The following AKAP6 variants were observed in gnomAD, a reference collection of about 807,000 sequenced individuals.
The protein encoded by AKAP6 is A-kinase anchoring protein 6.
A neutral mutation model predicts 188.5 loss-of-function variants in AKAP6; 58 were observed. That is an observed-to-expected ratio of 0.31 (90% confidence interval 0.25 to 0.38). AKAP6 has a LOEUF of 0.38. AKAP6 is among the 10% of genes least tolerant of loss of function. The probability of loss-of-function intolerance (pLI) is 1.00; values close to 1 mark genes in which losing one functional copy is unlikely to be tolerated. For missense variants in AKAP6, 2,710 were observed against 2,740.0 expected, an observed-to-expected ratio of 0.99 and a Z score of 0.24; for synonymous variants, 989 against 998.6, an observed-to-expected ratio of 0.99 and a Z score of 0.18.
At chr14:32,764,748 G>A (rs796651055) in intron 11 of AKAP6, among the ~76,000 whole-genome samples, 11 of 151,918 alleles carry the variant, frequency 7.2e-5, no homozygotes, top group African/African-American at 2.7e-4. Flanking sequence ...GTTGCTGTGA[G>A]GATTAAATGA....
chr14:32,814,383 C>T (rs980734146), intron 12 of AKAP6, among the ~76,000 whole-genome samples: 1 of 152,174 alleles, frequency 6.6e-6, no homozygotes, highest in Non-Finnish European at 1.5e-5. Context: ...AACCCCAAGC[C>T]TGTAAAGCAG....
intron 2 of AKAP6, among the ~76,000 whole-genome samples, chr14:32,524,482 ATATAT>A (rs1375030711): frequency 6.6e-6 from 1 of 152,072 alleles, no homozygotes; most frequent in African/African-American, 2.4e-5. Flanking sequence ...TATTACATAC[ATATAT>A]TAAATATATT....
At chr14:32,413,182 T>G (rs1306045657) in intron 1 of AKAP6, among the ~76,000 whole-genome samples, 2 of 140,116 alleles carry the variant, frequency 1.4e-5, no homozygotes, top group African/African-American at 2.5e-5. Flanking sequence ...GAAATTTTTT[T>G]TTTTTTTTTT....
intron 2 of AKAP6, chr14:32,439,177 A>G (rs994635994): frequency 1.3e-5 from 2 of 152,200 alleles, no homozygotes; most frequent in African/African-American, 4.8e-5. Flanking sequence ...ACCCAGACTG[A>G]GATGTCTGGG....
At chr14:32,419,365 AG>A (rs1163382910) in intron 1 of AKAP6, among the ~76,000 whole-genome samples, 10 of 152,182 alleles carry the variant, frequency 6.6e-5, no homozygotes, top group Non-Finnish European at 1.5e-4. Context: ...AATAGTGAAT[AG>A]GAATAATGCT....
intron 1 of AKAP6, among the ~76,000 whole-genome samples, chr14:32,405,445 C>G (rs569940598): frequency 1.3e-5 from 2 of 152,242 alleles, no homozygotes; most frequent in South Asian, 4.1e-4. Flanking sequence ...TTTTAAAAGA[C>G]TAAATTACAA....
rs1057051543 is a variant in AKAP6 at position 32,512,039 on chromosome 14, T to A, written c.325-23515T>A. On this transcript the variant is annotated intron_variant, in intron 2 of 13. Transcript: ENST00000280979. Reference sequence around the variant, plus strand: ...GTTTCTTTAATTTTATTACTTACTTTACTTGTTAATTTACTTGTAGACATT... The same window carrying A: ...GTTTCTTTAATTTTATTACTTACTTAACTTGTTAATTTACTTGTAGACATT... Among the ~76,000 whole-genome samples, 5 of 152,364 alleles carry A rather than the reference T, an allele frequency of 3.3e-5. No homozygotes were observed. In the East Asian group the frequency reaches 7.7e-4, roughly 24 times the overall value.
At chr14:32,699,208 A>G (rs1158933062) in intron 9 of AKAP6, among the ~76,000 whole-genome samples, 1 of 152,170 alleles carries the variant, frequency 6.6e-6, no homozygotes, top group Non-Finnish European at 1.5e-5. Flanking sequence ...GCACTAGAAA[A>G]TCAGCTAGCC....
At chr14:32,508,267 T>A (rs1442305147) in intron 2 of AKAP6, among the ~76,000 whole-genome samples, 1 of 152,168 alleles carries the variant, frequency 6.6e-6, no homozygotes, top group Non-Finnish European at 1.5e-5. Flanking sequence ...TTAAATTCAG[T>A]GAAGAATGAT....
intron 9 of AKAP6, among the ~76,000 whole-genome samples, chr14:32,707,377 C>T (rs1276794611): frequency 6.6e-6 from 1 of 152,066 alleles, no homozygotes; most frequent in Non-Finnish European, 1.5e-5. Context: ...TTACAACCTT[C>T]ATTACAACAG....
Position 32,823,986 on chromosome 14 carries a change from A to G in AKAP6, c.6173A>G (p.Asn2058Ser), listed in dbSNP as rs780189389. The G allele has an allele frequency of 6.2e-6, 10 of 1,613,846 alleles. No homozygotes were observed. The Admixed American group carries it at 6.7e-5, about 11-fold the overall frequency. The change falls in exon 13 of 14, where the codon AAC (asparagine) becomes AGC (serine). Residue 2058 changes from asparagine to serine, a missense_variant. By Grantham distance (46) the Asn-to-Ser change is conservative (BLOSUM62 1). Transcript: ENST00000280979. Reference sequence around the variant, plus strand: ...GATGCCGAAGATTGTTCAGTACACAACTTTGTTAAGGAAATCATTGACATG... The same window carrying G: ...GATGCCGAAGATTGTTCAGTACACAGCTTTGTTAAGGAAATCATTGACATG... ...QKDAEDCSVHNFVKEIIDMAS... is the reference protein window; with the variant it reads ...QKDAEDCSVHSFVKEIIDMAS...
At chr14:32,424,191 A>G (rs890830507) in intron 1 of AKAP6, among the ~76,000 whole-genome samples, 1 of 152,150 alleles carries the variant, frequency 6.6e-6, no homozygotes, top group Non-Finnish European at 1.5e-5. Context: ...CTGTAATTGA[A>G]TTATTCTTTT....
intron 2 of AKAP6, among the ~76,000 whole-genome samples, chr14:32,467,343 C>A (rs1204557474): frequency 3.9e-5 from 6 of 152,002 alleles, no homozygotes; most frequent in Non-Finnish European, 7.4e-5. Context: ...TGGGTAGGAA[C>A]AAACAAGATT....
At chr14:32,747,494 T>C (rs542774115) in intron 11 of AKAP6, among the ~76,000 whole-genome samples, 1 of 152,326 alleles carries the variant, frequency 6.6e-6, no homozygotes, top group Non-Finnish European at 1.5e-5. Flanking sequence ...AAAACTATTA[T>C]ATTAACCACG....
chr14:32,438,409 T>C (rs1322279671), intron 2 of AKAP6, among the ~76,000 whole-genome samples: 2 of 152,172 alleles, frequency 1.3e-5, no homozygotes, highest in Non-Finnish European at 2.9e-5. Context: ...TTAAAAGTGA[T>C]TTTATCTTCT....
intron 7 of AKAP6, among the ~76,000 whole-genome samples, chr14:32,666,390 T>C (rs978764796): frequency 1.2e-4 from 18 of 152,084 alleles, no homozygotes; most frequent in Non-Finnish European, 2.6e-4. Flanking sequence ...GCATTTTTAT[T>C]TTCAAGTAAA....
chr14:32,607,809 C>T (rs891695596), intron 7 of AKAP6, among the ~76,000 whole-genome samples: 9 of 152,240 alleles, frequency 5.9e-5, no homozygotes, highest in South Asian at 2.1e-4. Context: ...AGCCAGTATC[C>T]GATCTGGTTC....
At chr14:32,756,393 T>C (rs889334833) in intron 11 of AKAP6, among the ~76,000 whole-genome samples, 2 of 151,990 alleles carry the variant, frequency 1.3e-5, no homozygotes, top group African/African-American at 4.8e-5. Context: ...AGGGTGAGCC[T>C]GGATCCTGGG....
intron 11 of AKAP6, among the ~76,000 whole-genome samples, chr14:32,740,065 T>C (rs1401759172): frequency 6.6e-6 from 1 of 152,142 alleles, no homozygotes; most frequent in Non-Finnish European, 1.5e-5. Context: ...ATAAAAGCCA[T>C]TTTAACTGGA....
Sources: gnomAD v4.1 joint callset for allele counts (sites outside exome capture counted in the v4.1 genomes callset) on GRCh38, gnomAD v4.1.1 for gene constraint, MANE v1.5 for transcripts, NCBI Gene and HGNC (gene_info 2026-07-23, HGNC 2026-07-21) for gene names.